HSD17B12: variants seen among roughly 807,000 people sequenced by gnomAD.
HSD17B12 encodes hydroxysteroid 17-beta dehydrogenase 12.
Under a neutral mutation model 39.3 loss-of-function variants are expected in HSD17B12, and 32 were observed. The ratio of observed to expected loss-of-function variants is 0.81; its 90% CI spans 0.61 to 1.09. The LOEUF (loss-of-function observed/expected upper bound fraction) is 1.09. Among genes scored for constraint, HSD17B12 ranks in the 50% least tolerant of loss-of-function variants. The pLI, the probability that HSD17B12 is intolerant of heterozygous loss-of-function variation, is 0.00. For missense variants in HSD17B12, 342 were observed against 382.9 expected, an observed-to-expected ratio of 0.89 and a Z score of 0.89; for synonymous variants, 150 against 146.7, an observed-to-expected ratio of 1.02 and a Z score of -0.16.
chr11:43,618,571 G>A, the HSD17B12 span, among the ~76,000 whole-genome samples: 2 of 152,086 alleles, frequency 1.3e-5, no homozygotes, highest in Non-Finnish European at 2.9e-5. Context: ...GTCACCCATG[G>A]TAATAATGGC....
intron 1 of HSD17B12, among the ~76,000 whole-genome samples, chr11:43,737,356 C>G (rs189818304): frequency 1.2e-4 from 19 of 152,326 alleles, no homozygotes; most frequent in South Asian, 6.2e-4. Flanking sequence ...CCTACACAAA[C>G]TAAAGTATTT....
At chr11:43,853,621 C>G (rs1189160399) in intron 9 of HSD17B12, 1 of 152,022 alleles carries the variant, frequency 6.6e-6, no homozygotes, top group Non-Finnish European at 1.5e-5. Flanking sequence ...AACCTTGTCT[C>G]TACAAAAAAA....
At chr11:43,730,191 G>T (rs1361494053) in intron 1 of HSD17B12, among the ~76,000 whole-genome samples, 10 of 151,960 alleles carry the variant, frequency 6.6e-5, no homozygotes, top group African/African-American at 2.4e-4. Context: ...ATTAACCACT[G>T]GTCCAGGTTG....
the HSD17B12 span, among the ~76,000 whole-genome samples, chr11:43,567,264 C>T: frequency 1.3e-5 from 2 of 152,244 alleles, no homozygotes; most frequent in African/African-American, 2.4e-5. Context: ...AATCCAAGGG[C>T]CAGAAAAATT....
At chr11:43,801,149 A>G (rs1014962108) in intron 4 of HSD17B12, among the ~76,000 whole-genome samples, 1 of 152,112 alleles carries the variant, frequency 6.6e-6, no homozygotes, top group Non-Finnish European at 1.5e-5. Context: ...AAAAAGAAAA[A>G]AAAAAGAGCT....
chr11:43,643,214 C>T, the HSD17B12 span, among the ~76,000 whole-genome samples: 124 of 152,118 alleles, frequency 8.2e-4, no homozygotes, highest in African/African-American at 2.9e-3. Context: ...CTCAGTTATA[C>T]GTCTGGGCAT....
chr11:43,730,868 A>G (rs750248129), intron 1 of HSD17B12, among the ~76,000 whole-genome samples: 4 of 152,220 alleles, frequency 2.6e-5, no homozygotes, highest in Non-Finnish European at 4.4e-5. Context: ...TGTGATAAGC[A>G]TGGTGGCTTA....
the HSD17B12 span, among the ~76,000 whole-genome samples, chr11:43,587,382 C>T: frequency 6.6e-6 from 1 of 151,778 alleles, no homozygotes; most frequent in African/African-American, 2.4e-5. Flanking sequence ...GTTCCATAGA[C>T]CCCAAGTTAA....
At chr11:43,578,880 A>AC in the HSD17B12 span, 1 of 151,544 alleles carries the variant, frequency 6.6e-6, no homozygotes, top group African/African-American at 2.4e-5. Flanking sequence ...GCACAAGTTT[A>AC]CCCCCCGAAC....
intron 4 of HSD17B12, among the ~76,000 whole-genome samples, chr11:43,804,357 G>A (rs1023684724): frequency 3.3e-5 from 5 of 152,108 alleles, no homozygotes; most frequent in Admixed American, 6.6e-5. Flanking sequence ...GTGCATTCAG[G>A]ACTTTAGTCA....
intron 10 of HSD17B12, 36 bp from the exon 11 acceptor site, chr11:43,855,108 C>A: frequency 7.2e-7 from 1 of 1,390,002 alleles, no homozygotes; most frequent in South Asian, 1.2e-5. Context: ...AAATTGTAGG[C>A]TATAATTACA....
At chr11:43,572,544 A>G in the HSD17B12 span, among the ~76,000 whole-genome samples, 2 of 152,154 alleles carry the variant, frequency 1.3e-5, no homozygotes, top group East Asian at 3.9e-4. Context: ...TTGTAACTTC[A>G]AGTTCTAAGA....
chr11:43,832,029 A>T lies in HSD17B12; in HGVS notation c.536+1019A>T, dbSNP rs565428313. Among the ~76,000 whole-genome samples the T allele has an allele frequency of 3.5e-4, 53 of 152,270 alleles. 1 individual carries two copies. Among genetic ancestry groups the T allele is most frequent in the Non-Finnish European group, 4.6e-4 (31 of 68,040 alleles). On this transcript the variant is annotated intron_variant, in intron 7 of 10. Coordinates refer to ENST00000278353, the MANE Select transcript of HSD17B12 (RefSeq NM_016142.3). ...GGGACTAGTTAAGAAACAGTTTCTC[A>T]GCAAAGCTCCTTGTAATCCCATTTT...
chr11:43,755,350 C>A, intron 3 of HSD17B12: 1 of 152,990 alleles, frequency 6.5e-6, no homozygotes, highest in South Asian at 2.0e-4. Context: ...TTGTGCTGTA[C>A]TTTACTAGAA....
intron 3 of HSD17B12, among the ~76,000 whole-genome samples, chr11:43,776,887 C>G (rs1950710852): frequency 6.6e-6 from 1 of 152,178 alleles, no homozygotes; most frequent in South Asian, 2.1e-4. Context: ...GCTTGTTTTT[C>G]TCAGGTTTGT....
chr11:43,757,639 CAAAAAAAAAAA>C (rs60598991), intron 3 of HSD17B12, among the ~76,000 whole-genome samples: 29 of 7,208 alleles, frequency 4.0e-3, no homozygotes, highest in African/African-American at 7.2e-3. Flanking sequence ...GACTCCGTCT[CAAAAAAAAAAA>C]AAAAAAAAAA....
intron 1 of HSD17B12, among the ~76,000 whole-genome samples, chr11:43,725,760 T>C (rs1442381433): frequency 6.6e-6 from 1 of 152,108 alleles, no homozygotes; most frequent in Non-Finnish European, 1.5e-5. Context: ...GTGGGCTTCA[T>C]AGAAAGCTTT....
rs1229937556 is a variant in HSD17B12 at position 43,775,772 on chromosome 11, C to A, written c.283+21651C>A. Among the ~76,000 whole-genome samples the A allele has an allele frequency of 2.4e-4, 35 of 145,156 alleles. No homozygotes were observed. In the East Asian group the frequency reaches 7.0e-3, roughly 29 times the overall value. On this transcript the variant is annotated intron_variant, in intron 3 of 10. Coordinates refer to ENST00000278353, the MANE Select transcript of HSD17B12 (RefSeq NM_016142.3). Reference sequence around the variant, plus strand: ...ATCCCTCCCCCCTCCCCCGATCCCACAACAGTCCCCAGAGTGTGATGTTCC... The same window carrying A: ...ATCCCTCCCCCCTCCCCCGATCCCAAAACAGTCCCCAGAGTGTGATGTTCC...
chr11:43,662,088 AGTTTG>A, the HSD17B12 span, among the ~76,000 whole-genome samples: 1 of 152,144 alleles, frequency 6.6e-6, no homozygotes, highest in Non-Finnish European at 1.5e-5. Context: ...TAATCTTAGC[AGTTTG>A]GGAGGCCAAG....
Sources: allele counts gnomAD v4.1 joint callset (sites outside exome capture counted in the v4.1 genomes callset), GRCh38; gene constraint gnomAD v4.1.1; transcripts MANE v1.5; gene names NCBI Gene and HGNC (gene_info 2026-07-23, HGNC 2026-07-21).